AGMO: variants seen among roughly 807,000 people sequenced by gnomAD.
The protein encoded by AGMO is glyceryl-ether monooxygenase.
AGMO carries 75 observed loss-of-function variants against 60.2 expected under a neutral mutation model. The ratio of observed to expected loss-of-function variants is 1.25; its 90% CI spans 1.03 to 1.51. The LOEUF (loss-of-function observed/expected upper bound fraction) is 1.51, where lower values mean the gene tolerates loss of function less well. Ranked by LOEUF, AGMO falls within the 40% of genes most tolerant of loss-of-function variation. The probability of loss-of-function intolerance (pLI) is 0.00; values close to 1 mark genes in which losing one functional copy is unlikely to be tolerated. For missense variants in AGMO, 763 were observed against 525.5 expected, an observed-to-expected ratio of 1.45 and a Z score of -4.42; for synonymous variants, 261 against 177.1, an observed-to-expected ratio of 1.47 and a Z score of -3.76.
chr7:15,212,005 C>A (rs1583295492), intron 12 of AGMO, among the ~76,000 whole-genome samples: 1 of 151,738 alleles, frequency 6.6e-6, no homozygotes, highest in Admixed American at 6.6e-5. Context: ...ACTTGAAGGA[C>A]ACAATGGAGG....
downstream of AGMO, among the ~76,000 whole-genome samples, chr7:15,197,730 T>A (rs999985679): frequency 2.1e-4 from 32 of 152,336 alleles, no homozygotes; most frequent in African/African-American, 7.2e-4. Context: ...CAATTAATCT[T>A]ATGACTAAAA....
chr7:15,205,139 T>G (rs1781407922), intron 12 of AGMO, among the ~76,000 whole-genome samples: 1 of 152,210 alleles, frequency 6.6e-6, no homozygotes, highest in Non-Finnish European at 1.5e-5. Flanking sequence ...TGGATTTGAC[T>G]TATACCTATG....
chr7:15,241,733 C>T (rs767008654), intron 12 of AGMO, among the ~76,000 whole-genome samples: 7 of 152,066 alleles, frequency 4.6e-5, no homozygotes, highest in Non-Finnish European at 7.4e-5. Flanking sequence ...TAAAAAATTC[C>T]CATTTATTGT....
At chr7:15,367,318 T>G (rs1583464771) in intron 10 of AGMO, among the ~76,000 whole-genome samples, 1 of 152,108 alleles carries the variant, frequency 6.6e-6, no homozygotes, top group African/African-American at 2.4e-5. Context: ...AAAATTAATA[T>G]GCATTTAATT....
chr7:15,395,283 G>T (rs1407408620), intron 5 of AGMO, among the ~76,000 whole-genome samples: 1 of 152,126 alleles, frequency 6.6e-6, no homozygotes, highest in Non-Finnish European at 1.5e-5. Context: ...TGACAATTAT[G>T]ACATTGATAT....
At chr7:15,447,117 A>G (rs1262810427) in intron 3 of AGMO, among the ~76,000 whole-genome samples, 1 of 152,218 alleles carries the variant, frequency 6.6e-6, no homozygotes, top group Admixed American at 6.5e-5. Context: ...AGTTCCAGAC[A>G]TTTTTAGCAA....
chr7:15,355,088 AT>A (rs1354292850), intron 12 of AGMO, among the ~76,000 whole-genome samples: 1 of 152,070 alleles, frequency 6.6e-6, no homozygotes, highest in East Asian at 1.9e-4. Flanking sequence ...TGTTTCAGAA[AT>A]TTTGATATGA....
chr7:15,369,620 C>T (rs1483692037), intron 10 of AGMO, among the ~76,000 whole-genome samples: 1 of 152,124 alleles, frequency 6.6e-6, no homozygotes, highest in Admixed American at 6.6e-5. Context: ...CCATAACTCT[C>T]TGTAACCATT....
At chr7:15,278,514 G>C (rs1397915224) in intron 12 of AGMO, among the ~76,000 whole-genome samples, 1 of 152,032 alleles carries the variant, frequency 6.6e-6, no homozygotes, top group African/African-American at 2.4e-5. Context: ...TGGGTGACTG[G>C]CCTCTAGGCC....
At chr7:15,332,430 T>C (rs1404731860) in intron 12 of AGMO, among the ~76,000 whole-genome samples, 2 of 152,172 alleles carry the variant, frequency 1.3e-5, no homozygotes, top group Non-Finnish European at 2.9e-5. Flanking sequence ...AAAGACACCA[T>C]GTTTTCAGAC....
intron 12 of AGMO, among the ~76,000 whole-genome samples, chr7:15,239,309 G>T (rs572974575): frequency 1.3e-5 from 2 of 152,086 alleles, no homozygotes; most frequent in African/African-American, 2.4e-5. Flanking sequence ...TGATGCAAAG[G>T]ATTTAAAACT....
intron 12 of AGMO, among the ~76,000 whole-genome samples, chr7:15,298,335 C>T (rs1256749692): frequency 6.6e-6 from 1 of 151,050 alleles, no homozygotes; most frequent in East Asian, 1.9e-4. Flanking sequence ...ATCATTCAAC[C>T]AATGTGATCA....
rs545972803 is a variant in AGMO at position 15,327,185 on chromosome 7, G to C, written c.1263+38329C>G. ...AACCTGGCTCGGTTTTCAACTTGCT[G>C]TTCTTTGGAAGAAATGTTTTTGGAC... On this transcript the variant is annotated intron_variant, in intron 12 of 12. Coordinates refer to ENST00000342526, the MANE Select transcript of AGMO (RefSeq NM_001004320.2). Among the ~76,000 whole-genome samples, 15 of 152,214 alleles carry C rather than the reference G, an allele frequency of 9.9e-5. No individual in the cohort carries two copies. In the South Asian group the frequency reaches 2.7e-3, roughly 27 times the overall value.
chr7:15,428,759 A>T (rs191607478), intron 4 of AGMO, among the ~76,000 whole-genome samples: 43 of 152,192 alleles, frequency 2.8e-4, no homozygotes, highest in Middle Eastern at 3.4e-3. Context: ...GTAATTAATT[A>T]ACTGCATTGA....
At chr7:15,377,464 T>C (rs1219880303) in intron 10 of AGMO, among the ~76,000 whole-genome samples, 2 of 152,082 alleles carry the variant, frequency 1.3e-5, no homozygotes, top group Non-Finnish European at 2.9e-5. Context: ...TCTGGCTACA[T>C]TTTTACCCAG....
At chr7:15,292,061 T>C (rs1784279123) in intron 12 of AGMO, among the ~76,000 whole-genome samples, 3 of 72,540 alleles carry the variant, frequency 4.1e-5, no homozygotes, top group East Asian at 3.5e-4. Context: ...CTGCAGACAA[T>C]GAGGAGTCAA....
chr7:15,120,337 C>T, the AGMO span, among the ~76,000 whole-genome samples: 23 of 152,020 alleles, frequency 1.5e-4, no homozygotes, highest in Admixed American at 2.6e-4. Flanking sequence ...ATATCAGAAG[C>T]GTTTGACCCT....
intron 12 of AGMO, among the ~76,000 whole-genome samples, chr7:15,345,681 T>TA (rs1782007771): frequency 6.6e-6 from 1 of 152,208 alleles, no homozygotes; most frequent in African/African-American, 2.4e-5. Flanking sequence ...CCATGTACCC[T>TA]AAGTTCTTTA....
At chr7:15,179,300 G>T in the AGMO span, among the ~76,000 whole-genome samples, 1 of 152,002 alleles carries the variant, frequency 6.6e-6, no homozygotes, top group Non-Finnish European at 1.5e-5. Flanking sequence ...GACACTAAAG[G>T]CACCCTTTAT....
Sources: gnomAD v4.1 joint callset for allele counts (sites outside exome capture counted in the v4.1 genomes callset) on GRCh38, gnomAD v4.1.1 for gene constraint, MANE v1.5 for transcripts, NCBI Gene and HGNC (gene_info 2026-07-23, HGNC 2026-07-21) for gene names.